The following RPGRIP1L variants were observed in gnomAD, a reference collection of about 807,000 sequenced individuals.
RPGRIP1L encodes the protein RPGRIP1 like, also known as protein fantom.
In RPGRIP1L, 131 loss-of-function variants were observed where a neutral mutation model predicts 160.4. The ratio of observed to expected loss-of-function variants is 0.82; its 90% CI spans 0.71 to 0.94. The LOEUF is 0.94. Ranked by LOEUF, RPGRIP1L falls within the 40% of genes least tolerant of loss-of-function variation. The probability of loss-of-function intolerance (pLI) is 0.00; values close to 1 mark genes in which losing one functional copy is unlikely to be tolerated. For missense variants in RPGRIP1L, 1,522 were observed against 1,535.8 expected, an observed-to-expected ratio of 0.99 and a Z score of 0.15; for synonymous variants, 510 against 515.8, an observed-to-expected ratio of 0.99 and a Z score of 0.15.
Position 53,601,818 on chromosome 16 carries a change from G to A in RPGRIP1L, c.*258C>T. ...ATAGACTTTCTCACGCTATCACGTA[G>A]GTATAAATTATTGAGAAGGTACTGC... On this transcript the variant is annotated 3_prime_UTR_variant, in exon 27 of 27. Coordinates refer to ENST00000647211, the MANE Select transcript of RPGRIP1L (RefSeq NM_015272.5). 1 of 423,906 alleles carries A rather than the reference G, an allele frequency of 2.4e-6. No homozygotes were observed. The highest frequency in any genetic ancestry group is 3.1e-5 in the South Asian group (1 of 32,510). The allele number at this position is 423,906 out of a possible 1,614,324, so 26.3% of individuals were successfully genotyped here. A position where few individuals can be genotyped will look rare whatever the true frequency, so the allele number is the denominator to read the frequency against.
At chr16:53,606,580 GTC>G (rs929946888) in intron 25 of RPGRIP1L, among the ~76,000 whole-genome samples, 37 of 152,114 alleles carry the variant, frequency 2.4e-4, no homozygotes, top group African/African-American at 8.9e-4. Context: ...CCTTTACTAA[GTC>G]TCTGTTTTTA....
intron 14 of RPGRIP1L, among the ~76,000 whole-genome samples, chr16:53,654,395 C>A (rs546182135): frequency 6.6e-6 from 1 of 152,256 alleles, no homozygotes; most frequent in East Asian, 1.9e-4. Context: ...ATATTTAGGG[C>A]ATCTTTCCCT....
intron 7 of RPGRIP1L, among the ~76,000 whole-genome samples, chr16:53,673,358 A>C (rs1044843692): frequency 1.3e-5 from 2 of 152,162 alleles, no homozygotes; most frequent in African/African-American, 4.8e-5. Flanking sequence ...TTGGTTGGAC[A>C]TGCTGTCTAA....
At chr16:53,695,334 G>C in intron 3 of RPGRIP1L, 1 of 702,920 alleles carries the variant, frequency 1.4e-6, no homozygotes, top group Non-Finnish European at 2.6e-6. Flanking sequence ...CCTGCACATA[G>C]CATGCCAGTG....
chr16:53,646,685 T>A (rs1169404366), intron 16 of RPGRIP1L, among the ~76,000 whole-genome samples: 1 of 152,212 alleles, frequency 6.6e-6, no homozygotes, highest in East Asian at 1.9e-4. Flanking sequence ...AAATCTTCCA[T>A]GGCTGATGTA....
chr16:53,684,706 C>T (rs192354522), intron 6 of RPGRIP1L, among the ~76,000 whole-genome samples: 4 of 150,760 alleles, frequency 2.7e-5, no homozygotes, highest in African/African-American at 7.3e-5. Context: ...CAAACCTGCA[C>T]GTTGTGCACA....
intron 17 of RPGRIP1L, among the ~76,000 whole-genome samples, chr16:53,644,822 A>G (rs1966442498): frequency 6.6e-6 from 1 of 152,222 alleles, no homozygotes; most frequent in Non-Finnish European, 1.5e-5. Context: ...CCTAACTTAC[A>G]AGACATGTCA....
intron 17 of RPGRIP1L, among the ~76,000 whole-genome samples, chr16:53,643,306 TAAAAAAA>T (rs77427391): frequency 0.077 from 8,569 of 111,402 alleles, 426 homozygotes; most frequent in African/African-American, 0.18. Flanking sequence ...AGACTCCATC[TAAAAAAA>T]AAAAAAAAAA....
At chr16:53,620,376 A>G (rs1001475879) in intron 23 of RPGRIP1L, among the ~76,000 whole-genome samples, 7 of 152,268 alleles carry the variant, frequency 4.6e-5, no homozygotes, top group Admixed American at 3.3e-4. Context: ...ATGTATTCTA[A>G]GACACTTTAA....
At chr16:53,628,122 G>GTC (rs528868979) in intron 22 of RPGRIP1L, 18 of 151,282 alleles carry the variant, frequency 1.2e-4, no homozygotes, top group Admixed American at 5.9e-4. Context: ...AAAATACTGT[G>GTC]TGTGTGTGTG....
At chr16:53,651,405 T>A (rs1567838621) in intron 15 of RPGRIP1L, among the ~76,000 whole-genome samples, 1 of 152,208 alleles carries the variant, frequency 6.6e-6, no homozygotes, top group Non-Finnish European at 1.5e-5. Context: ...TGCTTCAGAC[T>A]ATTCTTTCCA....
At chr16:53,620,493 C>T (rs1400544721) in intron 23 of RPGRIP1L, among the ~76,000 whole-genome samples, 2 of 152,118 alleles carry the variant, frequency 1.3e-5, no homozygotes, top group Non-Finnish European at 2.9e-5. Flanking sequence ...TCTGTCTCCA[C>T]TAATACAGGT....
intron 6 of RPGRIP1L, 102 bp downstream of exon 6, chr16:53,686,331 G>A (rs1021933621): frequency 1.3e-5 from 16 of 1,253,210 alleles, no homozygotes; most frequent in Non-Finnish European, 1.8e-5. Flanking sequence ...GTAAAAACAT[G>A]ATTTTTAAAT....
chr16:53,636,990 T>C (rs992001520), intron 21 of RPGRIP1L, among the ~76,000 whole-genome samples: 2 of 149,102 alleles, frequency 1.3e-5, no homozygotes, highest in Admixed American at 1.3e-4. Context: ...ACACACACTC[T>C]TTAATTACTT....
At position 53,658,888 on chromosome 16, in the gene RPGRIP1L, A is replaced by G; in HGVS notation, c.1244-10T>C. On this transcript the variant is annotated splice_polypyrimidine_tract_variant and intron_variant, in intron 10 of 26. Coordinates refer to ENST00000647211, the MANE Select transcript of RPGRIP1L (RefSeq NM_015272.5). The stretch of plus-strand genomic sequence containing the variant: ...AGTTTTTCATTTTGATCTTAAAAAT[A>G]AAGTCCACACAATTGGAAAGGTAAG... 6.6e-7 allele frequency: 1 copy of G among 1,507,710 alleles called. No homozygotes were observed. The highest frequency in any genetic ancestry group is 9.2e-7 in the Non-Finnish European group (1 of 1,090,194). 93.4% of individuals were successfully genotyped at this position (1,507,710 alleles called of 1,614,324 possible). A position where few individuals can be genotyped will look rare whatever the true frequency, so the allele number is the denominator to read the frequency against.
intron 10 of RPGRIP1L, chr16:53,659,988 G>C (rs554654988): frequency 6.6e-6 from 1 of 152,240 alleles, no homozygotes; most frequent in South Asian, 2.1e-4. Flanking sequence ...GGTTATGCTT[G>C]TCTAGGTACT....
intron 3 of RPGRIP1L, chr16:53,695,483 C>T (rs1342886301): frequency 4.3e-6 from 3 of 701,834 alleles, no homozygotes; most frequent in South Asian, 3.0e-5. Flanking sequence ...TGAATACAGA[C>T]CTGCTCATGA....
At chr16:53,695,179 T>C (rs1027502946) in intron 3 of RPGRIP1L, 18 of 561,170 alleles carry the variant, frequency 3.2e-5, no homozygotes, top group Middle Eastern at 2.7e-4. Context: ...AAGAAAAAAA[T>C]TGTTAGGTGG....
At chr16:53,655,488 C>T (rs776661420) in intron 14 of RPGRIP1L, 12 of 152,036 alleles carry the variant, frequency 7.9e-5, no homozygotes, top group Admixed American at 5.9e-4. Flanking sequence ...TGGACGTGGA[C>T]GTGAAAGAGA....
Sources: allele counts gnomAD v4.1 joint callset (sites outside exome capture counted in the v4.1 genomes callset), GRCh38; gene constraint gnomAD v4.1.1; transcripts MANE v1.5; gene names NCBI Gene and HGNC (gene_info 2026-07-23, HGNC 2026-07-21).